The following CCDC192 variants were observed in gnomAD, a reference collection of about 807,000 sequenced individuals.
CCDC192 encodes the protein coiled-coil domain containing 192, also known as coiled-coil domain-containing protein 192.
chr5:127,897,638 A>G (rs1473980227), intron 6 of CCDC192, among the ~76,000 whole-genome samples: 1 of 152,244 alleles, frequency 6.6e-6, no homozygotes, highest in Non-Finnish European at 1.5e-5. Context: ...GAAAAAGTGC[A>G]TACATCGTAT....
intron 2 of CCDC192, among the ~76,000 whole-genome samples, chr5:127,746,920 G>A (rs1753783328): frequency 6.6e-6 from 1 of 151,948 alleles, no homozygotes; most frequent in South Asian, 2.1e-4. Flanking sequence ...AATGAATGCT[G>A]TATTTTTATG....
At position 127,833,063 on chromosome 5, in the gene CCDC192, T is replaced by C. The variant is rs569325445; in HGVS notation, c.411+34901T>C. Among the ~76,000 whole-genome samples the C allele has an allele frequency of 9.9e-4, 150 of 152,186 alleles. 3 individuals are homozygous for C. The highest frequency in any genetic ancestry group is 4.6e-4 in the Admixed American group (7 of 15,262). Reference sequence around the variant, plus strand: ...CTCTTGTAAAAGATGATCTTATTCTTAGGTTATTGTCTGTGTAGCTCTTAT... The same window carrying C: ...CTCTTGTAAAAGATGATCTTATTCTCAGGTTATTGTCTGTGTAGCTCTTAT... On this transcript the variant is annotated intron_variant, in intron 5 of 6. Transcript: ENST00000514853.
intron 2 of CCDC192, among the ~76,000 whole-genome samples, chr5:127,738,065 G>T (rs1228528381): frequency 6.6e-6 from 1 of 152,002 alleles, no homozygotes; most frequent in Non-Finnish European, 1.5e-5. Flanking sequence ...GCAACAGCTG[G>T]TACCAGTTGT....
At chr5:127,780,666 G>C (rs1220633032) in intron 3 of CCDC192, among the ~76,000 whole-genome samples, 2 of 152,060 alleles carry the variant, frequency 1.3e-5, no homozygotes, top group East Asian at 3.9e-4. Context: ...TTTTTGATGG[G>C]ACTGCTTGTT....
intron 5 of CCDC192, among the ~76,000 whole-genome samples, chr5:127,831,564 A>G (rs1749798259): frequency 6.6e-6 from 1 of 152,178 alleles, no homozygotes. Context: ...TAATCACATA[A>G]TGCCGATAAG....
At chr5:127,724,629 T>A (rs12522308) in intron 2 of CCDC192, among the ~76,000 whole-genome samples, 8,396 of 152,020 alleles carry the variant, frequency 0.055, 538 homozygotes, top group East Asian at 0.27. Flanking sequence ...GGCGGGTGGA[T>A]CATGAGGTCA....
intron 6 of CCDC192, among the ~76,000 whole-genome samples, chr5:127,918,668 G>T (rs1360807045): frequency 1.3e-5 from 2 of 152,064 alleles, no homozygotes; most frequent in African/African-American, 4.8e-5. Context: ...CTTTTATATT[G>T]GTTCATATTT....
intron 6 of CCDC192, among the ~76,000 whole-genome samples, chr5:127,881,885 G>C (rs1037488696): frequency 1.3e-4 from 20 of 152,184 alleles, no homozygotes; most frequent in Admixed American, 3.9e-4. Context: ...CAAAGCTTGA[G>C]TCCACCTTTT....
chr5:127,934,463 G>C (rs918490334), intron 6 of CCDC192, among the ~76,000 whole-genome samples: 7 of 151,940 alleles, frequency 4.6e-5, no homozygotes, highest in African/African-American at 1.7e-4. Context: ...CAATTAACAC[G>C]TGCCTACTTC....
At chr5:127,749,606 A>T (rs1211097703) in intron 2 of CCDC192, among the ~76,000 whole-genome samples, 2 of 151,984 alleles carry the variant, frequency 1.3e-5, no homozygotes, top group Non-Finnish European at 2.9e-5. Flanking sequence ...CGGCTTTGGT[A>T]TCAGAATGAT....
chr5:127,803,607 G>A (rs1757621506), intron 5 of CCDC192, among the ~76,000 whole-genome samples: 1 of 152,110 alleles, frequency 6.6e-6, no homozygotes, highest in East Asian at 1.9e-4. Context: ...GTATTAGCGG[G>A]TATAAGTGCT....
intron 6 of CCDC192, among the ~76,000 whole-genome samples, chr5:127,934,222 C>G (rs1272174659): frequency 6.6e-6 from 1 of 152,158 alleles, no homozygotes; most frequent in African/African-American, 2.4e-5. Context: ...ACAGACAGAT[C>G]TTCTTAAACT....
intron 5 of CCDC192, among the ~76,000 whole-genome samples, chr5:127,855,425 C>G (rs541061924): frequency 2.0e-3 from 298 of 152,266 alleles, no homozygotes; most frequent in African/African-American, 6.6e-3. Flanking sequence ...CTACTTGCAC[C>G]ACATCTGCAG....
chr5:127,926,839 G>T (rs1182211059), intron 6 of CCDC192, among the ~76,000 whole-genome samples: 1 of 152,138 alleles, frequency 6.6e-6, no homozygotes, highest in Non-Finnish European at 1.5e-5. Context: ...GAAAGTTTAA[G>T]ACCAGGAGTT....
At chr5:127,777,287 G>T (rs2126924095) in intron 3 of CCDC192, among the ~76,000 whole-genome samples, 1 of 152,336 alleles carries the variant, frequency 6.6e-6, no homozygotes, top group Admixed American at 6.5e-5. Flanking sequence ...GGAGCTTTAA[G>T]ATTTGATTGC....
chr5:127,905,724 G>A (rs1445341913), intron 6 of CCDC192, among the ~76,000 whole-genome samples: 2 of 152,056 alleles, frequency 1.3e-5, no homozygotes, highest in African/African-American at 4.8e-5. Flanking sequence ...AAAAAAGTAA[G>A]CCAAAAGCAT....
chr5:127,912,255 A>G (rs1374265582), intron 6 of CCDC192, among the ~76,000 whole-genome samples: 2 of 151,948 alleles, frequency 1.3e-5, no homozygotes, highest in Non-Finnish European at 2.9e-5. Context: ...TCAGGAAACA[A>G]GGAAACAACA....
rs1751362246 is a variant in CCDC192 at position 127,711,982 on chromosome 5, G to A, written c.114+4222G>A. ...GCTACCACCACAATCAGGATAATGT[G>A]CCTATCTACCACCCTCAAAAGTTAC... On this transcript the variant is annotated intron_variant, in intron 2 of 6. Coordinates refer to ENST00000514853, the MANE Select transcript of CCDC192 (RefSeq NM_001317938.2). Among the ~76,000 whole-genome samples the A allele has an allele frequency of 3.3e-5, 5 of 151,928 alleles. No homozygotes were observed. The South Asian group carries it at 1.0e-3, about 32-fold the overall frequency.
At chr5:127,857,012 T>G (rs148876944) in intron 5 of CCDC192, among the ~76,000 whole-genome samples, 1 of 152,330 alleles carries the variant, frequency 6.6e-6, no homozygotes, top group East Asian at 1.9e-4. Flanking sequence ...GACATCAGAT[T>G]GCCACACACT....
Sources: allele counts gnomAD v4.1 joint callset (sites outside exome capture counted in the v4.1 genomes callset), GRCh38; gene constraint gnomAD v4.1.1; transcripts MANE v1.5; gene names NCBI Gene and HGNC (gene_info 2026-07-23, HGNC 2026-07-21).